Variants in GAREM1 observed in about 807,000 individuals in gnomAD.
GAREM1 encodes the protein GRB2 associated regulator of MAPK1 subtype 1, also known as GRB2-associated and regulator of MAPK protein 1.
A neutral mutation model predicts 71.3 loss-of-function variants in GAREM1; 26 were observed. The ratio of observed to expected loss-of-function variants is 0.36; its 90% CI spans 0.27 to 0.51. The LOEUF (loss-of-function observed/expected upper bound fraction) is 0.51. Ranked by LOEUF, GAREM1 falls within the 20% of genes least tolerant of loss-of-function variation. GAREM1 has a pLI of 0.95. For synonymous variants in GAREM1, 440 were observed against 433.2 expected (o/e 1.02, Z -0.20); for missense variants, 1,026 against 1,103.1 (o/e 0.93, Z 0.99).
chr18:32,298,204 C>T (rs956056183), intron 3 of GAREM1, among the ~76,000 whole-genome samples: 5 of 152,108 alleles, frequency 3.3e-5, no homozygotes, highest in Non-Finnish European at 2.9e-5. Context: ...AATCTGTATC[C>T]CATGCTTCCA....
At chr18:32,425,869 G>C (rs2048569655) in intron 1 of GAREM1, among the ~76,000 whole-genome samples, 1 of 152,094 alleles carries the variant, frequency 6.6e-6, no homozygotes, top group African/African-American at 2.4e-5. Context: ...TGCATATTCA[G>C]ACAGTTAAGT....
rs568901439 is a variant in GAREM1 at position 32,359,226 on chromosome 18, C to G, written c.262+33669G>C. 5.3e-5 allele frequency among the ~76,000 whole-genome samples: 8 copies of G among 152,292 alleles called. No homozygotes were observed. The East Asian group carries it at 1.5e-3, about 29-fold the overall frequency. ...GAAAACCAGCAGCCCATGCCCCATACCTCCCACCTGATTCCTTCTCCCTAG... is the reference window on the plus strand; with the variant it reads ...GAAAACCAGCAGCCCATGCCCCATAGCTCCCACCTGATTCCTTCTCCCTAG... On this transcript the variant is annotated intron_variant, in intron 2 of 5. Transcript: ENST00000269209.
intron 1 of GAREM1, among the ~76,000 whole-genome samples, chr18:32,393,302 T>C (rs1287389367): frequency 6.6e-6 from 1 of 152,054 alleles, no homozygotes; most frequent in Non-Finnish European, 1.5e-5. Flanking sequence ...TATACCTAAA[T>C]GATTATGTTT....
At chr18:32,409,976 CAAT>C (rs2048401412) in intron 1 of GAREM1, among the ~76,000 whole-genome samples, 1 of 152,164 alleles carries the variant, frequency 6.6e-6, no homozygotes, top group East Asian at 1.9e-4. Flanking sequence ...ACATTCCTCT[CAAT>C]AAGTCTGATA....
intron 2 of GAREM1, among the ~76,000 whole-genome samples, chr18:32,360,985 C>T (rs1432304163): frequency 1.3e-5 from 2 of 152,154 alleles, no homozygotes; most frequent in African/African-American, 4.8e-5. Context: ...TCAAAATATT[C>T]TCCTACTTAA....
intron 1 of GAREM1, among the ~76,000 whole-genome samples, chr18:32,403,030 G>C (rs2048331016): frequency 6.6e-6 from 1 of 152,040 alleles, no homozygotes; most frequent in Admixed American, 6.6e-5. Flanking sequence ...TGATTCTCGT[G>C]CCTCAGCCTC....
At chr18:32,358,926 G>T (rs148347800) in intron 2 of GAREM1, among the ~76,000 whole-genome samples, 9 of 152,278 alleles carry the variant, frequency 5.9e-5, no homozygotes, top group African/African-American at 1.9e-4. Context: ...TTTCAAAACG[G>T]CGACAGCAGA....
chr18:32,356,580 C>A (rs561610208), intron 2 of GAREM1, among the ~76,000 whole-genome samples: 2 of 152,308 alleles, frequency 1.3e-5, no homozygotes, highest in South Asian at 4.1e-4. Context: ...CTACTCCCAT[C>A]ACTATCATAT....
chr18:32,329,703 T>TAAAAAAAAA (rs756082703), intron 2 of GAREM1, among the ~76,000 whole-genome samples: 23 of 78,144 alleles, frequency 2.9e-4, no homozygotes, highest in African/African-American at 1.2e-3. Flanking sequence ...GAGACTCCAT[T>TAAAAAAAAA]AAAAAAAAAA....
chr18:32,450,221 G>A (rs2048822836), intron 1 of GAREM1, among the ~76,000 whole-genome samples: 1 of 152,106 alleles, frequency 6.6e-6, no homozygotes, highest in Non-Finnish European at 1.5e-5. Context: ...GACTGTAACG[G>A]CTATCCTTTG....
intron 2 of GAREM1, among the ~76,000 whole-genome samples, chr18:32,384,973 AGAGAAT>A (rs2048131541): frequency 6.6e-6 from 1 of 152,206 alleles, no homozygotes; most frequent in African/African-American, 2.4e-5. Flanking sequence ...GGAGAGAGGA[AGAGAAT>A]AACATTTTTG....
At chr18:32,379,249 G>A (rs574191991) in intron 2 of GAREM1, among the ~76,000 whole-genome samples, 2 of 152,166 alleles carry the variant, frequency 1.3e-5, no homozygotes, top group African/African-American at 4.8e-5. Flanking sequence ...CTCGTCACCA[G>A]TTGTCCCCTC....
At chr18:32,465,899 C>G (rs1263061536) in intron 1 of GAREM1, among the ~76,000 whole-genome samples, 2 of 152,176 alleles carry the variant, frequency 1.3e-5, no homozygotes, top group African/African-American at 4.8e-5. Flanking sequence ...TGGTTCTTCA[C>G]TCACTTTACA....
At chr18:32,280,245 C>A (rs896534641) in intron 4 of GAREM1, among the ~76,000 whole-genome samples, 2 of 152,116 alleles carry the variant, frequency 1.3e-5, no homozygotes, top group African/African-American at 2.4e-5. Context: ...AGAGTACAAT[C>A]AATTCTTAGC....
chr18:32,357,763 G>A (rs2047820373), intron 2 of GAREM1, among the ~76,000 whole-genome samples: 1 of 152,106 alleles, frequency 6.6e-6, no homozygotes. Context: ...TAAGACAAAT[G>A]CTTCCTTATA....
intron 2 of GAREM1, among the ~76,000 whole-genome samples, chr18:32,321,919 T>TA (rs2047433092): frequency 6.6e-6 from 1 of 152,192 alleles, no homozygotes; most frequent in Admixed American, 6.5e-5. Flanking sequence ...GCACATGATT[T>TA]AAGTACAATG....
chr18:32,463,298 A>G (rs1859133593), intron 1 of GAREM1, among the ~76,000 whole-genome samples: 1 of 151,674 alleles, frequency 6.6e-6, no homozygotes, highest in African/African-American at 2.4e-5. Flanking sequence ...TTTCCTTTCT[A>G]AATGGATATT....
intron 1 of GAREM1, among the ~76,000 whole-genome samples, chr18:32,416,843 G>T (rs569870505): frequency 6.6e-6 from 1 of 152,016 alleles, no homozygotes; most frequent in Non-Finnish European, 1.5e-5. Flanking sequence ...CACAAGCACC[G>T]GCAACCAAAG....
At chr18:32,374,509 G>T (rs913194864) in intron 2 of GAREM1, among the ~76,000 whole-genome samples, 1 of 152,136 alleles carries the variant, frequency 6.6e-6, no homozygotes, top group Non-Finnish European at 1.5e-5. Context: ...CCCTTTCTTA[G>T]CAAAACAATA....
Sources: gnomAD v4.1 joint callset for allele counts (sites outside exome capture counted in the v4.1 genomes callset) on GRCh38, gnomAD v4.1.1 for gene constraint, MANE v1.5 for transcripts, NCBI Gene and HGNC (gene_info 2026-07-23, HGNC 2026-07-21) for gene names.